AGO1: variants seen among roughly 807,000 people sequenced by gnomAD.
AGO1 encodes argonaute RISC component 1, also known as protein argonaute-1.
AGO1 carries 11 observed loss-of-function variants against 109.2 expected under a neutral mutation model. The observed-to-expected ratio is 0.10, with a 90% CI of 0.06 to 0.17. The LOEUF (loss-of-function observed/expected upper bound fraction) is 0.17. Ranked by LOEUF, AGO1 falls within the 10% of genes least tolerant of loss-of-function variation. AGO1 has a pLI of 1.00. For synonymous variants in AGO1, 422 were observed against 418.6 expected, an observed-to-expected ratio of 1.01 and a Z score of -0.10; for missense variants, 574 against 1,140.3, an observed-to-expected ratio of 0.50 and a Z score of 7.15.
At chr1:35,879,090 A>G (rs950864054), upstream of AGO1, among the ~76,000 whole-genome samples, 11 of 152,312 alleles carry the variant, frequency 7.2e-5, no homozygotes, top group African/African-American at 2.6e-4. Context: ...TGGAAACAGA[A>G]GGAGCCAATA....
chr1:35,879,197 C>T (rs1229279061), upstream of AGO1, among the ~76,000 whole-genome samples: 1 of 152,210 alleles, frequency 6.6e-6, no homozygotes, highest in Non-Finnish European at 1.5e-5. Flanking sequence ...TGCCTGTAAT[C>T]CCAGCACTTT....
rs1047241439 is a variant in AGO1 at position 35,923,033 on chromosome 1, A to C, written c.*3426A>C. On this transcript the variant is annotated 3_prime_UTR_variant, in exon 19 of 19. Transcript: ENST00000373204. Reference sequence around the variant, plus strand: ...ATGAGAAGAGAATGGAGAGAATTTGAATAAAAGGTGGGAAAGGAGAGCACT... The same window carrying C: ...ATGAGAAGAGAATGGAGAGAATTTGCATAAAAGGTGGGAAAGGAGAGCACT... The C allele has an allele frequency of 2.0e-5, 3 of 152,282 alleles. No homozygotes were observed. The highest frequency in any genetic ancestry group is 1.3e-4 in the Admixed American group (2 of 15,276). The allele number at this position is 152,282 out of a possible 1,614,324, so 9.4% of individuals were successfully genotyped here.
rs955272510 is a variant in AGO1 at position 35,883,241 on chromosome 1, C to G, written c.-181C>G. 5 of 1,307,462 alleles carry G rather than the reference C, an allele frequency of 3.8e-6. No individual in the cohort carries two copies. In the Admixed American group the frequency reaches 1.3e-4, roughly 34 times the overall value. 81.0% of individuals were successfully genotyped at this position (1,307,462 alleles called of 1,614,324 possible). ...GCTGGCCGGGCGCTCGCAGTGGGAGCTGCTGCAGGCTCCGCGGCGGCGGCA... is the reference window on the plus strand; with the variant it reads ...GCTGGCCGGGCGCTCGCAGTGGGAGGTGCTGCAGGCTCCGCGGCGGCGGCA... On this transcript the variant is annotated 5_prime_UTR_variant, in exon 1 of 19. Transcript: ENST00000373204. The surrounding 1 kb of genome is among the most constrained non-coding windows in gnomAD (Gnocchi z 5.4).
chr1:35,920,081 AAGGACT>A lies in AGO1; in HGVS notation c.*477_*482del, dbSNP rs542709440. On this transcript the variant is annotated 3_prime_UTR_variant, in exon 19 of 19. Transcript: ENST00000373204. ...GATTTTTTAGGAGCCTTAATCAGAA[AAGGACT>A]AGATTTGTTTAAGAAGAAAAATGAA... 571 of 154,984 alleles carry A rather than the reference AAGGACT, an allele frequency of 3.7e-3. 2 individuals carry two copies. The highest frequency in any genetic ancestry group is 6.7e-3 in the Middle Eastern group (2 of 298). The allele number at this position is 154,984 out of a possible 1,614,324, so 9.6% of individuals were successfully genotyped here.
chr1:35,880,370 C>T (rs1429800179), upstream of AGO1, among the ~76,000 whole-genome samples: 3 of 151,934 alleles, frequency 2.0e-5, no homozygotes, highest in East Asian at 1.9e-4. Flanking sequence ...GGCAATATAG[C>T]GAGACCCTCA....
intron 12 of AGO1, among the ~76,000 whole-genome samples, chr1:35,913,639 GT>G (rs1051051110): frequency 2.0e-5 from 3 of 152,120 alleles, no homozygotes; most frequent in African/African-American, 7.2e-5. Flanking sequence ...GTTCCATGAA[GT>G]TTTCTGTTGT....
intron 2 of AGO1, among the ~76,000 whole-genome samples, chr1:35,890,262 G>A (rs1645193466): frequency 6.6e-6 from 1 of 151,878 alleles, no homozygotes; most frequent in African/African-American, 2.4e-5. Context: ...ACCTCAAGCA[G>A]TCTGCCCGCC....
chr1:35,884,561 A>G (rs1226622330), intron 1 of AGO1, among the ~76,000 whole-genome samples: 1 of 152,150 alleles, frequency 6.6e-6, no homozygotes, highest in Non-Finnish European at 1.5e-5. Context: ...TCCACTGGAT[A>G]TCTTTCCGTT....
intron 8 of AGO1, among the ~76,000 whole-genome samples, chr1:35,898,097 AATTC>A (rs1571353659): frequency 6.6e-6 from 1 of 152,214 alleles, no homozygotes; most frequent in East Asian, 1.9e-4. Flanking sequence ...ATATTTTGTT[AATTC>A]ATTTATCAGT....
chr1:35,902,834 T>C (rs562145596), intron 11 of AGO1, among the ~76,000 whole-genome samples: 19 of 152,172 alleles, frequency 1.2e-4, no homozygotes, highest in African/African-American at 4.6e-4. Flanking sequence ...AGACTTGTGT[T>C]CCTAATTGGA....
Position 35,901,533 on chromosome 1 carries a change from G to T in AGO1, c.1080G>T (p.Ser360=). 1.2e-6 allele frequency: 2 copies of T among 1,614,076 alleles called. No individual in the cohort carries two copies. The highest frequency in any genetic ancestry group is 2.2e-5 in the South Asian group (2 of 91,018). The change falls in exon 9 of 19, where the codon TCG becomes TCT. Residue 360 remains serine, a synonymous_variant. Transcript: ENST00000373204. This position sits in a 1 kb window ranked among gnomAD's most constrained non-coding sequence, Gnocchi z 4.8. The stretch of plus-strand genomic sequence containing the variant: ...AAAAGCTGACCGACAACCAGACCTC[G>T]ACCATGATAAAGGCCACAGCTAGAT... ...CIKKLTDNQT[S]TMIKATARSA...
At chr1:35,908,507 A>G (rs1370589851) in intron 12 of AGO1, among the ~76,000 whole-genome samples, 1 of 152,170 alleles carries the variant, frequency 6.6e-6, no homozygotes, top group Non-Finnish European at 1.5e-5. Context: ...CCTCTCTTCA[A>G]GAGTTTATTG....
intron 11 of AGO1, 122 bp from the exon 12 acceptor site, chr1:35,906,808 GAAAAA>G: frequency 1.9e-5 from 10 of 537,826 alleles, no homozygotes; most frequent in Admixed American, 8.1e-5. Context: ...CTGTCTCAAG[GAAAAA>G]AAAAAAAAAA....
In AGO1 at chr1:35,930,033, T is replaced by C. The variant is rs1341003490; in HGVS notation, c.*10426T>C. 2.6e-5 allele frequency: 4 copies of C among 152,190 alleles called. No homozygotes were observed. The highest frequency in any genetic ancestry group is 5.9e-5 in the Non-Finnish European group (4 of 68,024). 9.4% of individuals were successfully genotyped at this position (152,190 alleles called of 1,614,324 possible). ...TAAAAAAAACCGTATTACTGAAGCA[T>C]AGGGACATGGGGAGAAATTATGAAT... On this transcript the variant is annotated 3_prime_UTR_variant, in exon 19 of 19. Coordinates refer to ENST00000373204, the MANE Select transcript of AGO1 (RefSeq NM_012199.5).
chr1:35,904,153 C>A (rs1200960297), intron 11 of AGO1, among the ~76,000 whole-genome samples: 1 of 139,600 alleles, frequency 7.2e-6, no homozygotes, highest in African/African-American at 2.7e-5. Context: ...TCTCTGTCGT[C>A]CAGGTGCAGT....
intron 15 of AGO1, among the ~76,000 whole-genome samples, chr1:35,916,385 G>T (rs146353204): frequency 2.0e-5 from 3 of 151,344 alleles, no homozygotes; most frequent in African/African-American, 7.3e-5. Context: ...CTTTTTTTTG[G>T]GGGGAACAGA....
intron 1 of AGO1, among the ~76,000 whole-genome samples, chr1:35,874,862 A>G (rs969779888): frequency 1.3e-5 from 2 of 152,236 alleles, no homozygotes; most frequent in Non-Finnish European, 2.9e-5. Flanking sequence ...TCTGGAAAGA[A>G]GATCAAACGA....
intron 16 of AGO1, 46 bp from the exon 17 acceptor site, chr1:35,918,276 G>C (rs769834175): frequency 6.7e-7 from 1 of 1,483,556 alleles, no homozygotes; most frequent in South Asian, 1.1e-5. Flanking sequence ...GTCCTGGTTA[G>C]GGCCAGGCAG....
At position 35,883,655 on chromosome 1, in the gene AGO1, C is replaced by CTG. The variant is rs911680645; in HGVS notation, c.25+211_25+212dup. Among the ~76,000 whole-genome samples, 1 of 152,164 alleles carries CTG rather than the reference C, an allele frequency of 6.6e-6. No homozygotes were observed. The highest frequency in any genetic ancestry group is 2.4e-5 in the African/African-American group (1 of 41,440). On this transcript the variant is annotated intron_variant, in intron 1 of 18. Coordinates refer to ENST00000373204, the MANE Select transcript of AGO1 (RefSeq NM_012199.5). This position sits in a 1 kb window ranked among gnomAD's most constrained non-coding sequence, Gnocchi z 5.4. The stretch of plus-strand genomic sequence containing the variant: ...GATGGGGGCTGTTTGTCCAAGGAGG[C>CTG]TGTATACAGTCCTGCGGGTTGGAAG...
Sources: allele counts gnomAD v4.1 joint callset (sites outside exome capture counted in the v4.1 genomes callset), GRCh38; gene constraint gnomAD v4.1.1; non-coding constraint Gnocchi (gnomAD v3.1); transcripts MANE v1.5; gene names NCBI Gene and HGNC (gene_info 2026-07-23, HGNC 2026-07-21).